Variants in DPYSL3 observed in about 807,000 individuals in gnomAD.
DPYSL3 encodes dihydropyrimidinase-related protein 3.
DPYSL3 carries 16 observed loss-of-function variants against 66.1 expected under a neutral mutation model. That is an observed-to-expected ratio of 0.24 (90% CI 0.16 to 0.37). The LOEUF is 0.37. Ranked by LOEUF, DPYSL3 falls within the 10% of genes least tolerant of loss-of-function variation. DPYSL3 has a pLI of 1.00. For missense variants in DPYSL3, 738 were observed against 916.2 expected (o/e 0.81, Z 2.51); for synonymous variants, 338 against 345.1 (o/e 0.98, Z 0.23).
At chr5:147,463,918 T>G (rs1282181294) in intron 1 of DPYSL3, among the ~76,000 whole-genome samples, 2 of 152,114 alleles carry the variant, frequency 1.3e-5, no homozygotes, top group Non-Finnish European at 2.9e-5. Flanking sequence ...AGATTTGCCT[T>G]TGCTGCTGCT....
At chr5:147,409,139 C>T (rs7700678) in intron 6 of DPYSL3, among the ~76,000 whole-genome samples, 2,978 of 152,288 alleles carry the variant, frequency 0.02, 94 homozygotes, top group African/African-American at 0.068. Context: ...TGTTTATTCA[C>T]TCATGCTCTT....
intron 13 of DPYSL3, 57 bp from the exon 14 acceptor site, chr5:147,394,180 G>C: frequency 3.2e-6 from 5 of 1,567,476 alleles, no homozygotes; most frequent in East Asian, 2.2e-5. Flanking sequence ...CGGGTAGGGG[G>C]ATGTGGGCAA....
chr5:147,397,174 CTA>C (rs9325042), intron 12 of DPYSL3, among the ~76,000 whole-genome samples: 5,630 of 147,832 alleles, frequency 0.038, 373 homozygotes, highest in African/African-American at 0.13. Context: ...ATCTATAGAC[CTA>C]TATATATATA....
At chr5:147,403,135 T>C (rs1758241347) in intron 8 of DPYSL3, among the ~76,000 whole-genome samples, 1 of 152,098 alleles carries the variant, frequency 6.6e-6, no homozygotes, top group South Asian at 2.1e-4. Context: ...AAAAGACTCA[T>C]GATTAATTAG....
At chr5:147,489,630 A>G (rs1321892697) in intron 1 of DPYSL3, among the ~76,000 whole-genome samples, 1 of 152,192 alleles carries the variant, frequency 6.6e-6, no homozygotes, top group Non-Finnish European at 1.5e-5. Context: ...ACTCAGAGAA[A>G]TGTAAAATTC....
At chr5:147,397,514 A>T in intron 12 of DPYSL3, 152 bp downstream of exon 12, 2 of 786,034 alleles carry the variant, frequency 2.5e-6, no homozygotes, top group Non-Finnish European at 3.7e-6. Flanking sequence ...ATAGTACATT[A>T]AGTCTGTGTA....
At chr5:147,423,747 CTGT>C (rs1752134012) in intron 2 of DPYSL3, among the ~76,000 whole-genome samples, 1 of 152,160 alleles carries the variant, frequency 6.6e-6, no homozygotes, top group Admixed American at 6.5e-5. Context: ...GAGCCTAGCT[CTGT>C]CACCCAGGGT....
intron 1 of DPYSL3, among the ~76,000 whole-genome samples, chr5:147,426,865 T>C (rs1252327365): frequency 6.6e-6 from 1 of 151,888 alleles, no homozygotes; most frequent in African/African-American, 2.4e-5. Context: ...GGGGAAATTA[T>C]TTTTTTAAAG....
At chr5:147,430,353 GA>G (rs1428270247) in intron 1 of DPYSL3, among the ~76,000 whole-genome samples, 1 of 151,082 alleles carries the variant, frequency 6.6e-6, no homozygotes, top group African/African-American at 2.4e-5. Flanking sequence ...AAAAGAAAAA[GA>G]AAAAAAATAG....
chr5:147,481,775 T>C (rs1753248130), intron 1 of DPYSL3, among the ~76,000 whole-genome samples: 1 of 152,218 alleles, frequency 6.6e-6, no homozygotes, highest in South Asian at 2.1e-4. Context: ...TAGTATGACA[T>C]GGCACAAAGG....
intron 2 of DPYSL3, among the ~76,000 whole-genome samples, chr5:147,423,182 T>C (rs956056012): frequency 1.3e-5 from 2 of 152,184 alleles, no homozygotes; most frequent in African/African-American, 2.4e-5. Flanking sequence ...AAATCAATTG[T>C]GGCTTATATT....
chr5:147,499,678 C>A (rs961460386), intron 1 of DPYSL3, among the ~76,000 whole-genome samples: 3 of 152,080 alleles, frequency 2.0e-5, no homozygotes, highest in Non-Finnish European at 4.4e-5. Flanking sequence ...GATTCTAGCA[C>A]GTTGTTTTGT....
At chr5:147,409,378 T>C (rs77407442) in intron 6 of DPYSL3, among the ~76,000 whole-genome samples, 2,828 of 152,278 alleles carry the variant, frequency 0.019, 92 homozygotes, top group African/African-American at 0.064. Context: ...AGATGTCAGG[T>C]TGAATCCTAG....
At chr5:147,438,373 C>T (rs369745063) in intron 1 of DPYSL3, among the ~76,000 whole-genome samples, 47 of 152,278 alleles carry the variant, frequency 3.1e-4, no homozygotes, top group Middle Eastern at 3.4e-3. Context: ...TAAATACAAA[C>T]GAGACACCAC....
intron 1 of DPYSL3, chr5:147,453,489 C>T (rs1752779031): frequency 6.7e-7 from 1 of 1,502,104 alleles, no homozygotes; most frequent in African/African-American, 1.4e-5. Context: ...CCGACCCCGC[C>T]CGCAGCGCAG....
chr5:147,465,178 A>G (rs142017990), intron 1 of DPYSL3, among the ~76,000 whole-genome samples: 156 of 152,312 alleles, frequency 1.0e-3, no homozygotes, highest in African/African-American at 3.5e-3. Flanking sequence ...TGGACAAGAA[A>G]GTGAGATCCT....
At chr5:147,452,739 G>A (rs1485240916) in intron 1 of DPYSL3, among the ~76,000 whole-genome samples, 1 of 152,114 alleles carries the variant, frequency 6.6e-6, no homozygotes, top group Non-Finnish European at 1.5e-5. Flanking sequence ...CAGTCGCGGT[G>A]TCTCCGTCTT....
chr5:147,435,438 T>A (rs1200768625), intron 1 of DPYSL3, among the ~76,000 whole-genome samples: 4 of 152,150 alleles, frequency 2.6e-5, no homozygotes, highest in Non-Finnish European at 2.9e-5. Flanking sequence ...TGGTCCAATA[T>A]TACACAACCA....
At chr5:147,431,100 G>T (rs559490668) in intron 1 of DPYSL3, among the ~76,000 whole-genome samples, 1 of 152,292 alleles carries the variant, frequency 6.6e-6, no homozygotes, top group African/African-American at 2.4e-5. Context: ...AATTAGATTT[G>T]ATTTCCTAAA....
Sources: allele counts gnomAD v4.1 joint callset (sites outside exome capture counted in the v4.1 genomes callset), GRCh38; gene constraint gnomAD v4.1.1; transcripts MANE v1.5; gene names NCBI Gene and HGNC (gene_info 2026-07-23, HGNC 2026-07-21).